Variants in MARCHF10 observed in about 807,000 individuals in gnomAD.
MARCHF10 encodes membrane associated ring-CH-type finger 10.
MARCHF10 carries 64 observed loss-of-function variants against 76.2 expected under a neutral mutation model. That is an observed-to-expected ratio of 0.84 (90% confidence interval 0.69 to 1.03). The LOEUF (loss-of-function observed/expected upper bound fraction) is 1.03, where lower values mean the gene tolerates loss of function less well. Ranked by LOEUF, MARCHF10 falls within the 50% of genes least tolerant of loss-of-function variation. MARCHF10 has a pLI of 0.00. For missense variants in MARCHF10, 875 were observed against 958.0 expected (o/e 0.91, Z 1.14); for synonymous variants, 340 against 357.5 (o/e 0.95, Z 0.55).
At chr17:62,745,291 A>G (rs2091664535) in intron 4 of MARCHF10, among the ~76,000 whole-genome samples, 1 of 151,970 alleles carries the variant, frequency 6.6e-6, no homozygotes, top group East Asian at 2.0e-4. Context: ...TTTAGTAGAG[A>G]CAGGGTTTCA....
At chr17:62,741,631 A>T (rs934699178) in intron 5 of MARCHF10, among the ~76,000 whole-genome samples, 4 of 152,194 alleles carry the variant, frequency 2.6e-5, no homozygotes, top group African/African-American at 2.4e-5. Flanking sequence ...TGAACTTTTT[A>T]AAAAATATGA....
At chr17:62,701,842 C>T in intron 10 of MARCHF10, 84 bp from the exon 11 acceptor site, 73 of 1,568,096 alleles carry the variant, frequency 4.7e-5, no homozygotes, top group South Asian at 6.7e-5. Context: ...GCTGCTTCAT[C>T]TTCTCCCACC....
chr17:62,807,756 CCTT>C (rs1009924611), intron 1 of MARCHF10, among the ~76,000 whole-genome samples: 18 of 152,056 alleles, frequency 1.2e-4, no homozygotes, highest in African/African-American at 4.1e-4. Flanking sequence ...GAGCGAGACT[CCTT>C]CTCAAAAATA....
chr17:62,703,090 C>T (rs2089346559), intron 10 of MARCHF10, among the ~76,000 whole-genome samples: 1 of 152,218 alleles, frequency 6.6e-6, no homozygotes, highest in Non-Finnish European at 1.5e-5. Flanking sequence ...CCCAGGGACT[C>T]TCCCCAGCTG....
intron 6 of MARCHF10, among the ~76,000 whole-genome samples, chr17:62,733,758 A>G (rs2091137810): frequency 6.6e-6 from 1 of 152,276 alleles, no homozygotes; most frequent in African/African-American, 2.4e-5. Context: ...AGAATAAACC[A>G]AAGCCAAATA....
At chr17:62,742,994 T>C (rs1227645458) in intron 5 of MARCHF10, among the ~76,000 whole-genome samples, 8 of 152,236 alleles carry the variant, frequency 5.3e-5, no homozygotes, top group African/African-American at 9.6e-5. Flanking sequence ...AGAGAAACTA[T>C]AAAAAGTTCA....
chr17:62,760,773 A>C (rs1251668325), intron 3 of MARCHF10, among the ~76,000 whole-genome samples: 3 of 152,212 alleles, frequency 2.0e-5, no homozygotes, highest in African/African-American at 7.2e-5. Context: ...TGGTGTTGGT[A>C]TGACTTGCTA....
intron 3 of MARCHF10, chr17:62,780,908 CCT>C (rs373802624): frequency 3.0e-4 from 46 of 152,236 alleles, no homozygotes; most frequent in African/African-American, 1.1e-3. Flanking sequence ...GCTCCTGTCC[CCT>C]CTCTGTGAAG....
rs755221567 is a variant in MARCHF10 at position 62,724,962 on chromosome 17, A to G, written c.2080T>C (p.Trp694Arg). The part of the protein sequence containing the change: ...QFVHQECLKK[W>R]LKVKITSGAD... Reference sequence around the variant, plus strand: ...CCTGATGTTATTTTCACTTTCAGCCACTTTTTCAGGCACTCTTGATGAACA... The same window carrying G: ...CCTGATGTTATTTTCACTTTCAGCCGCTTTTTCAGGCACTCTTGATGAACA... The change falls in exon 7 of 11, where the codon TGG becomes CGG. Residue 694 changes from tryptophan (W) to arginine (R), a missense_variant. Physicochemically the swap from Trp to Arg is moderately radical, Grantham distance 101. Transcript: ENST00000311269. 5 of 1,612,038 alleles carry G rather than the reference A, an allele frequency of 3.1e-6. No homozygotes were observed. In the South Asian group the frequency reaches 5.5e-5, roughly 18 times the overall value.
At chr17:62,765,631 T>G (rs980931756) in intron 3 of MARCHF10, among the ~76,000 whole-genome samples, 1 of 152,114 alleles carries the variant, frequency 6.6e-6, no homozygotes, top group Admixed American at 6.5e-5. Context: ...GCGATTACTA[T>G]TCAGCCCACT....
At chr17:62,783,500 G>T (rs2092698044) in intron 3 of MARCHF10, among the ~76,000 whole-genome samples, 3 of 152,164 alleles carry the variant, frequency 2.0e-5, no homozygotes, top group South Asian at 4.2e-4. Context: ...TCAAAAGCTA[G>T]CAGAAGGCAA....
Position 62,712,674 on chromosome 17 carries a change from G to GT in MARCHF10, c.2215-1331dup, listed in dbSNP as rs370775016. Among the ~76,000 whole-genome samples the GT allele has an allele frequency of 6.6e-6, 1 of 152,200 alleles. No homozygotes were observed. Among genetic ancestry groups the GT allele is most frequent in the Non-Finnish European group, 1.5e-5 (1 of 68,036 alleles). Reference sequence around the variant, plus strand: ...CCTCCTATTTTTAGCCTTTGGTCGTGTTTTTTGTGCTCTGCTGACCTTGGC... The same window carrying GT: ...CCTCCTATTTTTAGCCTTTGGTCGTGTTTTTTTGTGCTCTGCTGACCTTGGC... On this transcript the variant is annotated intron_variant, in intron 8 of 10. Transcript: ENST00000311269. This position sits in a 1 kb window ranked among gnomAD's most constrained non-coding sequence, Gnocchi z 4.2.
At chr17:62,735,522 T>C (rs979758432) in intron 6 of MARCHF10, 1 of 164,170 alleles carries the variant, frequency 6.1e-6, no homozygotes, top group Non-Finnish European at 1.3e-5. Context: ...GGATTTGGGG[T>C]AAGTCCCATA....
intron 2 of MARCHF10, among the ~76,000 whole-genome samples, chr17:62,800,939 A>ACGAAGGG (rs2093061304): frequency 6.6e-6 from 1 of 152,144 alleles, no homozygotes; most frequent in African/African-American, 2.4e-5. Context: ...GGGGATGACA[A>ACGAAGGG]CGAAGGGCGT....
intron 7 of MARCHF10, among the ~76,000 whole-genome samples, chr17:62,723,177 G>A (rs1254741664): frequency 2.0e-5 from 3 of 150,634 alleles, no homozygotes; most frequent in Non-Finnish European, 3.0e-5. Flanking sequence ...CAGACTCATC[G>A]GGGAAAAGGA....
chr17:62,760,316 T>C (rs2092164215), intron 3 of MARCHF10, among the ~76,000 whole-genome samples: 1 of 152,236 alleles, frequency 6.6e-6, no homozygotes, highest in Non-Finnish European at 1.5e-5. Flanking sequence ...GACAGATAAA[T>C]AGCGCATGTG....
chr17:62,798,282 GA>G (rs1209047751), intron 2 of MARCHF10, among the ~76,000 whole-genome samples: 3 of 151,824 alleles, frequency 2.0e-5, no homozygotes, highest in African/African-American at 7.3e-5. Flanking sequence ...AGAAAATGGA[GA>G]AAAATGTGAG....
At chr17:62,722,437 G>T in intron 8 of MARCHF10, 51 bp downstream of exon 8, 1 of 1,282,098 alleles carries the variant, frequency 7.8e-7, no homozygotes, top group Non-Finnish European at 1.1e-6. Flanking sequence ...TTCTCGCCCT[G>T]CCCCTCTAAC....
At chr17:62,767,156 G>A (rs903685114) in intron 3 of MARCHF10, among the ~76,000 whole-genome samples, 13 of 152,176 alleles carry the variant, frequency 8.5e-5, no homozygotes, top group Admixed American at 8.5e-4. Context: ...AAGCAAATGT[G>A]ATAGAGAGTG....
Sources: allele counts gnomAD v4.1 joint callset (sites outside exome capture counted in the v4.1 genomes callset), GRCh38; gene constraint gnomAD v4.1.1; non-coding constraint Gnocchi (gnomAD v3.1); transcripts MANE v1.5; gene names NCBI Gene and HGNC (gene_info 2026-07-23, HGNC 2026-07-21).